The following DIAPH3 variants were observed in gnomAD, a reference collection of about 807,000 sequenced individuals.
The protein encoded by DIAPH3 is diaphanous related formin 3.
A neutral mutation model predicts 144.3 loss-of-function variants in DIAPH3; 117 were observed. That is an observed-to-expected ratio of 0.81 (90% CI 0.70 to 0.95). The LOEUF (loss-of-function observed/expected upper bound fraction) is 0.95. Ranked by LOEUF, DIAPH3 falls within the 40% of genes least tolerant of loss-of-function variation. The pLI is 0.00. For synonymous variants in DIAPH3, 519 were observed against 488.9 expected, an observed-to-expected ratio of 1.06 and a Z score of -0.81; for missense variants, 1,421 against 1,412.7, an observed-to-expected ratio of 1.01 and a Z score of -0.09.
intron 2 of DIAPH3, among the ~76,000 whole-genome samples, chr13:60,117,062 C>T (rs143549176): frequency 4.6e-5 from 7 of 152,074 alleles, no homozygotes; most frequent in Non-Finnish European, 8.8e-5. Context: ...AAAAATCAGC[C>T]ATTAATGCTT....
intron 20 of DIAPH3, among the ~76,000 whole-genome samples, chr13:59,890,911 A>G (rs2045749556): frequency 6.6e-6 from 1 of 152,040 alleles, no homozygotes; most frequent in Non-Finnish European, 1.5e-5. Flanking sequence ...TTAAAACTGA[A>G]CTTTACGGAC....
intron 1 of DIAPH3, among the ~76,000 whole-genome samples, chr13:60,137,932 CA>C (rs2059332686): frequency 1.3e-5 from 2 of 151,944 alleles, no homozygotes; most frequent in Non-Finnish European, 2.9e-5. Flanking sequence ...CCATGTTGGC[CA>C]GACTAGTCTC....
chr13:60,131,435 C>CAAAAAAAAAAA (rs777909368), intron 2 of DIAPH3, among the ~76,000 whole-genome samples: 12 of 29,296 alleles, frequency 4.1e-4, no homozygotes, highest in Admixed American at 7.5e-4. Context: ...GACCCTGTCT[C>CAAAAAAAAAAA]AAAAAAAAAA....
intron 10 of DIAPH3, 134 bp from the exon 11 acceptor site, chr13:59,992,320 C>A (rs2051877702): frequency 9.8e-7 from 1 of 1,015,892 alleles, no homozygotes; most frequent in Non-Finnish European, 1.5e-6. Flanking sequence ...TTAAATAACA[C>A]TCGAATCTTA....
At chr13:59,779,631 C>T (rs1297476052) in intron 25 of DIAPH3, among the ~76,000 whole-genome samples, 1 of 151,908 alleles carries the variant, frequency 6.6e-6, no homozygotes, top group African/African-American at 2.4e-5. Flanking sequence ...CCTGTCTCAG[C>T]CTCCCAAGTA....
At chr13:59,963,911 C>T (rs1156786322) in intron 17 of DIAPH3, among the ~76,000 whole-genome samples, 1 of 152,114 alleles carries the variant, frequency 6.6e-6, no homozygotes, top group African/African-American at 2.4e-5. Flanking sequence ...AAGGATAAGC[C>T]TCATTTAAAT....
At chr13:59,756,596 T>C in intron 27 of DIAPH3, among the ~76,000 whole-genome samples, 1 of 151,946 alleles carries the variant, frequency 6.6e-6, no homozygotes, top group East Asian at 1.9e-4. Flanking sequence ...GCTGTTAAAA[T>C]AGCCTGGAAG....
chr13:59,927,309 T>A (rs1372634663), intron 17 of DIAPH3, among the ~76,000 whole-genome samples: 1 of 152,214 alleles, frequency 6.6e-6, no homozygotes, highest in East Asian at 1.9e-4. Context: ...GAATTTACAC[T>A]ACTTATAATC....
intron 27 of DIAPH3, among the ~76,000 whole-genome samples, chr13:59,694,902 C>CAA (rs1017446253): frequency 2.0e-4 from 30 of 152,176 alleles, no homozygotes; most frequent in African/African-American, 7.2e-4. Flanking sequence ...ACCTGGAGAA[C>CAA]AAAATCCATC....
intron 25 of DIAPH3, among the ~76,000 whole-genome samples, chr13:59,805,438 T>A (rs1764079615): frequency 6.6e-6 from 1 of 152,094 alleles, no homozygotes; most frequent in South Asian, 2.1e-4. Flanking sequence ...AGAAGAGTTA[T>A]GCATTTTAAA....
At chr13:60,089,084 C>T (rs980307343) in intron 4 of DIAPH3, among the ~76,000 whole-genome samples, 1 of 152,198 alleles carries the variant, frequency 6.6e-6, no homozygotes, top group African/African-American at 2.4e-5. Context: ...ATTTTTCTCA[C>T]ATTATCCAGA....
At chr13:59,712,232 G>A (rs2034788665) in intron 27 of DIAPH3, among the ~76,000 whole-genome samples, 1 of 152,176 alleles carries the variant, frequency 6.6e-6, no homozygotes. Context: ...TTGGGGCAAT[G>A]GCAATATCCT....
At chr13:59,702,708 A>C (rs946388982) in intron 27 of DIAPH3, among the ~76,000 whole-genome samples, 1 of 152,182 alleles carries the variant, frequency 6.6e-6, no homozygotes, top group Non-Finnish European at 1.5e-5. Flanking sequence ...ATATACAGTT[A>C]TATTCTTTAT....
intron 14 of DIAPH3, among the ~76,000 whole-genome samples, chr13:59,977,809 A>G (rs2050762381): frequency 6.6e-6 from 1 of 151,868 alleles, no homozygotes; most frequent in Non-Finnish European, 1.5e-5. Context: ...TTATTTGGGG[A>G]AAATAAATAA....
At chr13:59,881,412 C>T (rs2045036299) in intron 20 of DIAPH3, among the ~76,000 whole-genome samples, 1 of 152,052 alleles carries the variant, frequency 6.6e-6, no homozygotes, top group Admixed American at 6.6e-5. Flanking sequence ...AAGCCAGGTA[C>T]TTGCAATACA....
chr13:60,002,263 A>G (rs888210280), intron 9 of DIAPH3, among the ~76,000 whole-genome samples: 3 of 152,194 alleles, frequency 2.0e-5, no homozygotes, highest in Admixed American at 6.5e-5. Context: ...TGCTGCCCAC[A>G]GTCTCTCCTG....
intron 25 of DIAPH3, among the ~76,000 whole-genome samples, chr13:59,783,146 T>C (rs1433449435): frequency 6.6e-6 from 1 of 152,174 alleles, no homozygotes; most frequent in Non-Finnish European, 1.5e-5. Context: ...GAGGCATGTT[T>C]AATGATTTAA....
At chr13:59,697,761 A>G (rs2033898566) in intron 27 of DIAPH3, among the ~76,000 whole-genome samples, 1 of 152,188 alleles carries the variant, frequency 6.6e-6, no homozygotes, top group African/African-American at 2.4e-5. Flanking sequence ...AAGCTATGAG[A>G]AAAAGATTAC....
At position 59,777,564 on chromosome 13, in the gene DIAPH3, A is replaced by C. The variant is rs141195900; in HGVS notation, c.3164-2741T>G. Among the ~76,000 whole-genome samples the C allele has an allele frequency of 5.1e-3, 775 of 152,326 alleles. 3 individuals carry two copies. The highest frequency in any genetic ancestry group is 0.032 in the South Asian group (152 of 4,824). On this transcript the variant is annotated intron_variant, in intron 25 of 27. Coordinates refer to ENST00000400324, the MANE Select transcript of DIAPH3 (RefSeq NM_001042517.2). ...AACAGGATATAGAGAAATCTGGTAG[A>C]TACCACCTTATCCAAATAATCAAAT...
Sources: allele counts gnomAD v4.1 joint callset (sites outside exome capture counted in the v4.1 genomes callset), GRCh38; gene constraint gnomAD v4.1.1; transcripts MANE v1.5; gene names NCBI Gene and HGNC (gene_info 2026-07-23, HGNC 2026-07-21).